The following GAS7 variants were observed in gnomAD, a reference collection of about 807,000 sequenced individuals.
GAS7 encodes growth arrest-specific protein 7.
In GAS7, 28 loss-of-function variants were observed where a neutral mutation model predicts 71.1. The observed-to-expected ratio is 0.39, with a 90% CI of 0.29 to 0.54. GAS7 has a LOEUF of 0.54. GAS7 is among the 20% of genes least tolerant of loss of function. The pLI, the probability that GAS7 is intolerant of heterozygous loss-of-function variation, is 0.62. For synonymous variants in GAS7, 258 were observed against 245.8 expected (o/e 1.05, Z -0.46); for missense variants, 436 against 627.8 (o/e 0.69, Z 3.27).
chr17:10,076,722 T>G (rs1465002712), intron 1 of GAS7, among the ~76,000 whole-genome samples: 1 of 152,156 alleles, frequency 6.6e-6, no homozygotes, highest in Admixed American at 6.5e-5. Context: ...GTTGAAAACA[T>G]TGGAGAAACT....
At chr17:10,186,471 G>A (rs2074454685) in intron 1 of GAS7, among the ~76,000 whole-genome samples, 1 of 149,026 alleles carries the variant, frequency 6.7e-6, no homozygotes, top group Admixed American at 6.8e-5. Context: ...TGCGATCTCG[G>A]TGGCTCACTG....
At chr17:10,170,507 C>T (rs1227961772) in intron 1 of GAS7, among the ~76,000 whole-genome samples, 1 of 152,222 alleles carries the variant, frequency 6.6e-6, no homozygotes, top group Non-Finnish European at 1.5e-5. Flanking sequence ...AATCCACGTG[C>T]TTACTCCATC....
At chr17:10,194,057 G>A (rs1009165780) in intron 1 of GAS7, among the ~76,000 whole-genome samples, 1 of 152,218 alleles carries the variant, frequency 6.6e-6, no homozygotes, top group Non-Finnish European at 1.5e-5. Context: ...AAAGGGTAGA[G>A]TGAAGAAAAT....
intron 4 of GAS7, among the ~76,000 whole-genome samples, chr17:9,965,260 G>A (rs1052058868): frequency 2.7e-5 from 4 of 150,344 alleles, no homozygotes; most frequent in Non-Finnish European, 4.4e-5. Flanking sequence ...GCAAAGACTT[G>A]GAACCAACCC....
chr17:10,005,249 GTGTGTGCACACATACATGTATGTATA>G, intron 2 of GAS7, among the ~76,000 whole-genome samples: 9 of 144,990 alleles, frequency 6.2e-5, no homozygotes, highest in African/African-American at 2.5e-4. Context: ...GCGCATGCAT[GTGTGTGCACACATACATGTATGTATA>G]TGTATATACA....
chr17:10,141,230 A>G (rs2320549), intron 1 of GAS7, among the ~76,000 whole-genome samples: 48,315 of 152,196 alleles, frequency 0.32, 9,456 homozygotes, highest in Non-Finnish European at 0.43. Flanking sequence ...CAGGAGGGTC[A>G]CGAGGTCAGG....
chr17:10,068,657 G>A (rs1032969068), intron 1 of GAS7, among the ~76,000 whole-genome samples: 3 of 152,026 alleles, frequency 2.0e-5, no homozygotes, highest in Non-Finnish European at 4.4e-5. Flanking sequence ...CCAGCTTCTC[G>A]GGAGGCTGAG....
At chr17:10,068,247 T>G (rs779620396) in intron 1 of GAS7, among the ~76,000 whole-genome samples, 2 of 152,132 alleles carry the variant, frequency 1.3e-5, no homozygotes, top group Non-Finnish European at 2.9e-5. Context: ...TTCAGGGCGC[T>G]TCCCTAAGTT....
chr17:10,126,486 C>A lies in GAS7; in HGVS notation c.183+71722G>T, dbSNP rs141711866. Among the ~76,000 whole-genome samples the A allele has an allele frequency of 1.2e-3, 180 of 150,792 alleles. 1 individual carries two copies. The South Asian group carries it at 0.016, about 13-fold the overall frequency. On this transcript the variant is annotated intron_variant, in intron 1 of 13. Coordinates refer to ENST00000432992, the MANE Select transcript of GAS7 (RefSeq NM_201433.2). ...CTCATGCACACACGCACACTCACACCCACTCACATACACACAAACACGTAT... is the reference window on the plus strand; with the variant it reads ...CTCATGCACACACGCACACTCACACACACTCACATACACACAAACACGTAT...
At chr17:10,004,397 C>T (rs1484976674) in intron 2 of GAS7, among the ~76,000 whole-genome samples, 1 of 152,114 alleles carries the variant, frequency 6.6e-6, no homozygotes, top group Non-Finnish European at 1.5e-5. Flanking sequence ...CTCGCTGGGA[C>T]CTAACCCTTT....
intron 1 of GAS7, among the ~76,000 whole-genome samples, chr17:10,159,351 T>C (rs1240487436): frequency 6.6e-6 from 1 of 151,784 alleles, no homozygotes; most frequent in African/African-American, 2.4e-5. Context: ...ACCAAAAACA[T>C]GTACGAGAAT....
chr17:10,009,423 T>C, intron 2 of GAS7, among the ~76,000 whole-genome samples: 1 of 150,660 alleles, frequency 6.6e-6, no homozygotes, highest in Non-Finnish European at 1.5e-5. Flanking sequence ...TAAAGAAAAA[T>C]TAAAGCAAGA....
At chr17:10,126,372 ACACCCACACACT>A (rs2073947535) in intron 1 of GAS7, among the ~76,000 whole-genome samples, 9 of 142,942 alleles carry the variant, frequency 6.3e-5, no homozygotes, top group South Asian at 2.2e-4. Flanking sequence ...TCTTGCACAC[ACACCCACACACT>A]CACGCACATG....
At position 9,959,404 on chromosome 17, in the gene GAS7, C is replaced by A; in HGVS notation, c.472-149G>T. The A allele has an allele frequency of 6.7e-7, 1 of 1,489,450 alleles. No individual in the cohort carries two copies. The highest frequency in any genetic ancestry group is 2.2e-5 in the Admixed American group (1 of 46,158). The allele number at this position is 1,489,450 out of a possible 1,614,324, so 92.3% of individuals were successfully genotyped here. On this transcript the variant is annotated intron_variant, in intron 4 of 13. Coordinates refer to ENST00000432992, the MANE Select transcript of GAS7 (RefSeq NM_201433.2). The surrounding 1 kb of genome is among the most constrained non-coding windows in gnomAD (Gnocchi z 5.0). ...TCACCATATTCTGGGCCAGGGCAAG[C>A]AGGGGTCTCCCTGACCCCACGCTGT...
At chr17:10,170,704 C>T (rs1191025384) in intron 1 of GAS7, among the ~76,000 whole-genome samples, 3 of 152,202 alleles carry the variant, frequency 2.0e-5, no homozygotes, top group Non-Finnish European at 4.4e-5. Context: ...ACTACATCTC[C>T]TACTTTCCAG....
intron 1 of GAS7, among the ~76,000 whole-genome samples, chr17:10,173,495 G>A (rs766789021): frequency 1.2e-4 from 18 of 151,322 alleles, no homozygotes; most frequent in African/African-American, 1.7e-4. Context: ...TCGGCCAGGC[G>A]CGGTGGCTCA....
At chr17:10,024,160 T>G (rs1230620845) in intron 1 of GAS7, among the ~76,000 whole-genome samples, 1 of 152,084 alleles carries the variant, frequency 6.6e-6, no homozygotes, top group East Asian at 1.9e-4. Context: ...AAAAAACTTT[T>G]TTCTGCCTTC....
intron 4 of GAS7, among the ~76,000 whole-genome samples, chr17:9,965,950 C>T (rs575312674): frequency 6.1e-4 from 93 of 151,570 alleles, no homozygotes; most frequent in Non-Finnish European, 1.2e-3. Flanking sequence ...TACTGGTGTC[C>T]GTGGAAAGTC....
chr17:10,059,630 G>A (rs547877870), intron 1 of GAS7: 1 of 935,468 alleles, frequency 1.1e-6, no homozygotes, highest in Non-Finnish European at 1.3e-6. Context: ...CACTCAACCT[G>A]GTCCAATTAG....
Sources: gnomAD v4.1 joint callset for allele counts (sites outside exome capture counted in the v4.1 genomes callset) on GRCh38, gnomAD v4.1.1 for gene constraint, Gnocchi (gnomAD v3.1) non-coding constraint, MANE v1.5 for transcripts, NCBI Gene and HGNC (gene_info 2026-07-23, HGNC 2026-07-21) for gene names.